TRPM7: variants seen among roughly 807,000 people sequenced by gnomAD.
TRPM7 encodes LTRPC ion channel family member 7.
A neutral mutation model predicts 229.7 loss-of-function variants in TRPM7; 134 were observed. The ratio of observed to expected loss-of-function variants is 0.58; its 90% confidence interval spans 0.51 to 0.67. The LOEUF is 0.67. Ranked by LOEUF, TRPM7 falls within the 30% of genes least tolerant of loss-of-function variation. The pLI, the probability that TRPM7 is intolerant of heterozygous loss-of-function variation, is 0.00. For synonymous variants in TRPM7, 699 were observed against 715.2 expected (o/e 0.98, Z 0.36); for missense variants, 1,901 against 2,210.0 (o/e 0.86, Z 2.80).
intron 5 of TRPM7, among the ~76,000 whole-genome samples, chr15:50,642,579 G>A (rs2061136068): frequency 6.6e-6 from 1 of 152,086 alleles, no homozygotes; most frequent in Non-Finnish European, 1.5e-5. Flanking sequence ...TCTTCGCGTG[G>A]CACTTCTCCT....
chr15:50,643,280 T>G, intron 5 of TRPM7, 60 bp downstream of exon 5: 2 of 1,382,440 alleles, frequency 1.4e-6, no homozygotes, highest in Non-Finnish European at 2.0e-6. Flanking sequence ...AGAGTGAGAG[T>G]CCGTCTCAAA....
chr15:50,658,773 T>C (rs56080544), intron 2 of TRPM7, among the ~76,000 whole-genome samples: 53,174 of 152,010 alleles, frequency 0.35, 10,511 homozygotes, highest in Admixed American at 0.48. Context: ...AAAATGAAAA[T>C]TGTACAAGGT....
chr15:50,655,565 A>C (rs2061543006), intron 3 of TRPM7, among the ~76,000 whole-genome samples: 1 of 152,134 alleles, frequency 6.6e-6, no homozygotes, highest in African/African-American at 2.4e-5. Flanking sequence ...GCTGCTGAAA[A>C]CCAAAGGAAT....
chr15:50,587,753 T>G (rs2059381679), intron 27 of TRPM7, among the ~76,000 whole-genome samples: 1 of 152,126 alleles, frequency 6.6e-6, no homozygotes, highest in Non-Finnish European at 1.5e-5. Flanking sequence ...AAAGAAAATG[T>G]GATGAACTTA....
At chr15:50,594,663 A>G (rs1187240830) in intron 23 of TRPM7, 50 bp from the exon 24 acceptor site, 3 of 1,252,882 alleles carry the variant, frequency 2.4e-6, no homozygotes, top group African/African-American at 1.5e-5. Context: ...ATCATCTCTT[A>G]AAGTTTTAAA....
chr15:50,592,619 G>A lies in TRPM7; in HGVS notation c.3616C>T (p.Gln1206Ter). ...ACTTCTTTAATCTGAATGCACATCT[G>A]TTCCACTCTGTAGGAGAGAAATAAG... is the stretch of plus-strand genomic sequence containing the variant. ...RIRVTFERVEQMCIQIKEVGD... is the reference protein window; with the variant it reads ...RIRVTFERVE Residue 1206 changes from glutamine (Q) to a stop codon, truncating the protein, a stop_gained, in exon 26 of 39, where the codon CAG (glutamine) becomes TAG (stop). Coordinates refer to ENST00000646667, the MANE Select transcript of TRPM7 (RefSeq NM_017672.6). LOFTEE classifies it high-confidence loss of function. 6.3e-7 allele frequency: 1 copy of A among 1,577,508 alleles called. No individual in the cohort carries two copies. Among genetic ancestry groups the A allele is most frequent in the Non-Finnish European group, 8.6e-7 (1 of 1,163,242 alleles).
Position 50,649,743 on chromosome 15 carries a change from C to T in TRPM7, c.123-858G>A, listed in dbSNP as rs546189188. ...CACCATAAGTAGGAACCTAGTGGAG[C>T]TGGGCAGTCTCATTGATTTGATATA... On this transcript the variant is annotated intron_variant, in intron 3 of 38. Coordinates refer to ENST00000646667, the MANE Select transcript of TRPM7 (RefSeq NM_017672.6). Among the ~76,000 whole-genome samples the T allele has an allele frequency of 5.3e-5, 8 of 152,216 alleles. No individual in the cohort carries two copies. In the South Asian group the frequency reaches 1.2e-3, roughly 24 times the overall value.
intron 1 of TRPM7, among the ~76,000 whole-genome samples, chr15:50,677,503 G>A (rs1388051420): frequency 6.6e-6 from 1 of 151,940 alleles, no homozygotes; most frequent in East Asian, 1.9e-4. Flanking sequence ...CACTTTGGGA[G>A]GCCAAGGCAG....
At chr15:50,575,165 TA>T in intron 33 of TRPM7, 30 bp from the exon 34 acceptor site, 2 of 1,527,094 alleles carry the variant, frequency 1.3e-6, no homozygotes, top group Middle Eastern at 1.8e-4. Context: ...AGTTTAAGAT[TA>T]AATTGTGACT....
intron 22 of TRPM7, among the ~76,000 whole-genome samples, chr15:50,597,648 C>G (rs1437985669): frequency 6.6e-6 from 1 of 152,142 alleles, no homozygotes; most frequent in Admixed American, 6.5e-5. Flanking sequence ...TGATGGCTCA[C>G]GTTTGTAATC....
intron 1 of TRPM7, among the ~76,000 whole-genome samples, chr15:50,684,570 G>C (rs1001167660): frequency 2.0e-5 from 3 of 151,932 alleles, no homozygotes; most frequent in African/African-American, 7.3e-5. Context: ...GAACCCAGGA[G>C]GCGGAGGCTG....
intron 7 of TRPM7, among the ~76,000 whole-genome samples, chr15:50,635,691 AG>A (rs1653720707): frequency 2.9e-5 from 2 of 68,898 alleles, no homozygotes; most frequent in Admixed American, 4.8e-4. Context: ...AAAAAAAAAA[AG>A]AGGACGGCTG....
At chr15:50,681,242 C>T (rs887088693) in intron 1 of TRPM7, among the ~76,000 whole-genome samples, 3 of 138,694 alleles carry the variant, frequency 2.2e-5, no homozygotes, top group Non-Finnish European at 4.6e-5. Context: ...CCGAGCAAGA[C>T]TTCGTCTCAA....
chr15:50,641,892 T>C (rs1322149482), intron 5 of TRPM7, among the ~76,000 whole-genome samples: 1 of 151,316 alleles, frequency 6.6e-6, no homozygotes, highest in African/African-American at 2.4e-5. Flanking sequence ...CCCAGCTACT[T>C]GGGAGGCTGA....
chr15:50,681,779 A>T (rs2062243665), intron 1 of TRPM7, among the ~76,000 whole-genome samples: 1 of 152,226 alleles, frequency 6.6e-6, no homozygotes, highest in Non-Finnish European at 1.5e-5. Context: ...TGTTTATATG[A>T]TAGTAAGAGG....
chr15:50,625,950 AC>A (rs2060546375), intron 11 of TRPM7, among the ~76,000 whole-genome samples: 1 of 152,146 alleles, frequency 6.6e-6, no homozygotes, highest in Non-Finnish European at 1.5e-5. Flanking sequence ...TTCTCTTATC[AC>A]ATACAAATAA....
At chr15:50,638,464 A>G (rs1472957581) in intron 6 of TRPM7, among the ~76,000 whole-genome samples, 1 of 146,122 alleles carries the variant, frequency 6.8e-6, no homozygotes, top group African/African-American at 2.5e-5. Flanking sequence ...CAGGAGAATC[A>G]CTTGAACCTG....
At chr15:50,658,774 T>C (rs1442033654) in intron 2 of TRPM7, among the ~76,000 whole-genome samples, 1 of 152,168 alleles carries the variant, frequency 6.6e-6, no homozygotes, top group Admixed American at 6.5e-5. Context: ...AAATGAAAAT[T>C]GTACAAGGTC....
At chr15:50,672,887 A>T (rs1382066004) in intron 1 of TRPM7, among the ~76,000 whole-genome samples, 1 of 122,780 alleles carries the variant, frequency 8.1e-6, no homozygotes, top group Non-Finnish European at 1.6e-5. Context: ...TGACAGAGTG[A>T]GACTCTGTCT....
Sources: gnomAD v4.1 joint callset for allele counts (sites outside exome capture counted in the v4.1 genomes callset) on GRCh38, gnomAD v4.1.1 for gene constraint, MANE v1.5 for transcripts, NCBI Gene and HGNC (gene_info 2026-07-23, HGNC 2026-07-21) for gene names.